The following PKNOX2 variants were observed in gnomAD, a reference collection of about 807,000 sequenced individuals.
The protein encoded by PKNOX2 is homeobox protein PKNOX2.
A neutral mutation model predicts 53.1 loss-of-function variants in PKNOX2; 14 were observed. The ratio of observed to expected loss-of-function variants is 0.26; its 90% CI spans 0.17 to 0.41. PKNOX2 has a LOEUF of 0.41. PKNOX2 is among the 10% of genes least tolerant of loss of function. The pLI is 1.00. For missense variants in PKNOX2, 496 were observed against 602.8 expected (o/e 0.82, Z 1.85); for synonymous variants, 257 against 242.8 (o/e 1.06, Z -0.54).
In PKNOX2 at chr11:125,385,650, C is replaced by A. The variant is rs779913137; in HGVS notation, c.327C>A (p.Ile109=). 1 of 1,614,054 alleles carries A rather than the reference C, an allele frequency of 6.2e-7. No homozygotes were observed. The highest frequency in any genetic ancestry group is 8.5e-7 in the Non-Finnish European group (1 of 1,180,006). The change falls in exon 6 of 13, where the codon ATC becomes ATA. Residue 109 remains isoleucine (I), a synonymous_variant. Transcript: ENST00000298282. ...CCTCCGCCAGCTTTGATGTGGACAT[C>A]GAGAACTTTGTCCACCAGCAGGAAC... The part of the protein sequence containing the change: ...CITSASFDVD[I]ENFVHQQEQE...
chr11:125,393,038 G>GCC (rs1565514745), intron 6 of PKNOX2, among the ~76,000 whole-genome samples: 6 of 151,800 alleles, frequency 4.0e-5, no homozygotes, highest in Non-Finnish European at 7.4e-5. Flanking sequence ...GGTGGCGGGC[G>GCC]TGGTCCCAGC....
intron 7 of PKNOX2, among the ~76,000 whole-genome samples, chr11:125,401,561 C>T (rs1267201624): frequency 6.6e-6 from 1 of 152,132 alleles, no homozygotes; most frequent in Non-Finnish European, 1.5e-5. Context: ...CCTCGGCCCA[C>T]TTGCACACTC....
At chr11:125,327,261 C>G (rs1173953172) in intron 2 of PKNOX2, among the ~76,000 whole-genome samples, 1 of 152,224 alleles carries the variant, frequency 6.6e-6, no homozygotes, top group Non-Finnish European at 1.5e-5. Flanking sequence ...GGGAAGCCAG[C>G]CCATGTCCAT....
chr11:125,301,745 G>T (rs186214693), intron 2 of PKNOX2, among the ~76,000 whole-genome samples: 1 of 152,102 alleles, frequency 6.6e-6, no homozygotes, highest in East Asian at 1.9e-4. Context: ...GCACAAGGCA[G>T]GTGGTGCCAG....
chr11:125,297,374 T>C (rs181140956), intron 2 of PKNOX2, among the ~76,000 whole-genome samples: 52 of 152,310 alleles, frequency 3.4e-4, no homozygotes, highest in African/African-American at 1.2e-3. Flanking sequence ...GGATCTACAA[T>C]TGAATAGAAA....
chr11:125,354,061 C>G (rs1409829974), intron 4 of PKNOX2, among the ~76,000 whole-genome samples: 1 of 152,152 alleles, frequency 6.6e-6, no homozygotes. Context: ...AGGAGGGGCT[C>G]CCTTGTAGGA....
intron 1 of PKNOX2, among the ~76,000 whole-genome samples, chr11:125,199,085 C>T (rs188386917): frequency 6.6e-6 from 1 of 152,270 alleles, no homozygotes; most frequent in East Asian, 1.9e-4. Context: ...AAGTTATCTG[C>T]CCTCCTCGGC....
chr11:125,198,204 G>C (rs1937969241), intron 1 of PKNOX2, among the ~76,000 whole-genome samples: 1 of 152,226 alleles, frequency 6.6e-6, no homozygotes, highest in Admixed American at 6.5e-5. Context: ...CAGGAGCCCA[G>C]CATGGAATCC....
intron 1 of PKNOX2, among the ~76,000 whole-genome samples, chr11:125,228,170 A>G (rs984272254): frequency 6.6e-6 from 1 of 152,254 alleles, no homozygotes; most frequent in African/African-American, 2.4e-5. Flanking sequence ...CCACGATGAC[A>G]GAAACGTGCT....
intron 5 of PKNOX2, among the ~76,000 whole-genome samples, chr11:125,382,733 T>G (rs1053491012): frequency 2.0e-5 from 3 of 152,198 alleles, no homozygotes; most frequent in Admixed American, 1.3e-4. Flanking sequence ...TCAGGTTAGA[T>G]TAGACTATAA....
At chr11:125,246,051 G>C (rs973345154) in intron 2 of PKNOX2, among the ~76,000 whole-genome samples, 1 of 152,208 alleles carries the variant, frequency 6.6e-6, no homozygotes. Context: ...AATTCCTGGG[G>C]TTCTACCTAG....
At chr11:125,208,227 T>C (rs1939384264) in intron 1 of PKNOX2, among the ~76,000 whole-genome samples, 1 of 152,036 alleles carries the variant, frequency 6.6e-6, no homozygotes, top group Non-Finnish European at 1.5e-5. Context: ...GCAAAGGTCC[T>C]GAGGCAGGTA....
chr11:125,301,827 C>T (rs1240134122), intron 2 of PKNOX2, among the ~76,000 whole-genome samples: 1 of 152,174 alleles, frequency 6.6e-6, no homozygotes, highest in Non-Finnish European at 1.5e-5. Flanking sequence ...TCTAATTCTC[C>T]CTTTCTGGGT....
intron 2 of PKNOX2, among the ~76,000 whole-genome samples, chr11:125,267,390 T>A (rs1945441114): frequency 6.6e-6 from 1 of 152,212 alleles, no homozygotes; most frequent in South Asian, 2.1e-4. Flanking sequence ...TGGCAGCCTC[T>A]CCTCCTGAGC....
At chr11:125,224,817 A>T (rs1339322138) in intron 1 of PKNOX2, among the ~76,000 whole-genome samples, 1 of 152,156 alleles carries the variant, frequency 6.6e-6, no homozygotes, top group African/African-American at 2.4e-5. Context: ...ACCTCAGTGA[A>T]ACAAGCTGGA....
chr11:125,278,631 A>AG (rs142940922), intron 2 of PKNOX2, among the ~76,000 whole-genome samples: 7,679 of 152,156 alleles, frequency 0.05, 634 homozygotes, highest in African/African-American at 0.17. Flanking sequence ...AGACCGAGGG[A>AG]GGGGCCGACT....
chr11:125,334,677 C>T (rs997028712), intron 3 of PKNOX2, among the ~76,000 whole-genome samples: 1 of 151,808 alleles, frequency 6.6e-6, no homozygotes, highest in African/African-American at 2.4e-5. Flanking sequence ...CAGCTCACTG[C>T]AACCTCTGCC....
At chr11:125,356,703 C>T (rs977455044) in intron 4 of PKNOX2, among the ~76,000 whole-genome samples, 2 of 152,230 alleles carry the variant, frequency 1.3e-5, no homozygotes, top group African/African-American at 4.8e-5. Context: ...ACCTTCTTTC[C>T]CTCCCTGTCC....
intron 4 of PKNOX2, among the ~76,000 whole-genome samples, chr11:125,365,866 C>T (rs370281518): frequency 2.6e-5 from 4 of 152,216 alleles, no homozygotes; most frequent in East Asian, 1.9e-4. Flanking sequence ...GTCAGATCCA[C>T]GAACTGAGCT....
Sources: allele counts gnomAD v4.1 joint callset (sites outside exome capture counted in the v4.1 genomes callset), GRCh38; gene constraint gnomAD v4.1.1; transcripts MANE v1.5; gene names NCBI Gene and HGNC (gene_info 2026-07-23, HGNC 2026-07-21).